Variants in CTNNA2 observed in about 807,000 individuals in gnomAD.
CTNNA2 encodes the protein catenin alpha-2.
In CTNNA2, 42 loss-of-function variants were observed where a neutral mutation model predicts 101.0. That is an observed-to-expected ratio of 0.42 (90% CI 0.32 to 0.54). The LOEUF is 0.54. Among genes scored for constraint, CTNNA2 ranks in the 20% least tolerant of loss-of-function variants. The pLI is 0.14. For synonymous variants in CTNNA2, 450 were observed against 456.4 expected (o/e 0.99, Z 0.18); for missense variants, 871 against 1,223.1 (o/e 0.71, Z 4.29).
intron 1 of CTNNA2, among the ~76,000 whole-genome samples, chr2:79,582,787 T>C (rs1047397278): frequency 6.6e-6 from 1 of 152,176 alleles, no homozygotes; most frequent in Non-Finnish European, 1.5e-5. Context: ...AATGTATTTC[T>C]TCTAGGTGCA....
chr2:79,467,807 C>T (rs1670955863), intron 4 of CTNNA2, among the ~76,000 whole-genome samples: 1 of 152,158 alleles, frequency 6.6e-6, no homozygotes, highest in Admixed American at 6.6e-5. Flanking sequence ...AACTAAAATC[C>T]TTTACAGACA....
chr2:79,972,336 G>A (rs962246027), intron 7 of CTNNA2, among the ~76,000 whole-genome samples: 1 of 152,160 alleles, frequency 6.6e-6, no homozygotes, highest in Non-Finnish European at 1.5e-5. Context: ...AATTCAAACA[G>A]AAACCAAAAC....
intron 9 of CTNNA2, among the ~76,000 whole-genome samples, chr2:80,525,530 AAAC>A (rs1358963357): frequency 2.0e-5 from 3 of 152,140 alleles, no homozygotes; most frequent in South Asian, 2.1e-4. Context: ...GCAAAAAAAC[AAAC>A]AACAACAAAA....
rs978600331 is a variant in CTNNA2, at chr2:80,542,877, T to C, written c.1291-2105T>C. ...GAAGATTCTCCACTATCCTGATTTT[T>C]TCCCCCCCCCACATGCCACTTTGGA... On this transcript the variant is annotated intron_variant, in intron 9 of 18. Transcript: ENST00000402739. 4.7e-3 allele frequency among the ~76,000 whole-genome samples: 519 copies of C among 109,404 alleles called. 4 individuals are homozygous for C. The highest frequency in any genetic ancestry group is 0.018 in the African/African-American group (464 of 26,424). The allele number at this position is 109,404 out of a possible 152,430, so 71.8% of individuals were successfully genotyped here.
chr2:80,410,580 AT>A (rs1486260376), intron 8 of CTNNA2, among the ~76,000 whole-genome samples: 32 of 152,306 alleles, frequency 2.1e-4, no homozygotes, highest in African/African-American at 7.7e-4. Flanking sequence ...TGATAGCTAA[AT>A]TTTGGTCTTC....
intron 5 of CTNNA2, among the ~76,000 whole-genome samples, chr2:79,873,823 G>A (rs1019726915): frequency 6.6e-6 from 1 of 151,996 alleles, no homozygotes; most frequent in Non-Finnish European, 1.5e-5. Context: ...GATCACTTGG[G>A]CCCAGGAGAT....
At chr2:80,335,203 G>A (rs937485779) in intron 7 of CTNNA2, among the ~76,000 whole-genome samples, 1 of 152,186 alleles carries the variant, frequency 6.6e-6, no homozygotes, top group African/African-American at 2.4e-5. Flanking sequence ...AGTGCCACCT[G>A]GAAAGGATGT....
At chr2:80,153,309 T>C (rs1447106635) in intron 7 of CTNNA2, among the ~76,000 whole-genome samples, 1 of 152,198 alleles carries the variant, frequency 6.6e-6, no homozygotes, top group Non-Finnish European at 1.5e-5. Flanking sequence ...TCTCAGTATT[T>C]GTCATCCTGC....
At chr2:80,063,979 GAAAAT>G (rs1216316933) in intron 7 of CTNNA2, among the ~76,000 whole-genome samples, 2 of 151,846 alleles carry the variant, frequency 1.3e-5, no homozygotes, top group Non-Finnish European at 2.9e-5. Flanking sequence ...TATATAAACT[GAAAAT>G]AAAATAAAGA....
intron 6 of CTNNA2, among the ~76,000 whole-genome samples, chr2:79,903,956 G>A (rs1474790891): frequency 1.3e-5 from 2 of 152,222 alleles, no homozygotes; most frequent in African/African-American, 2.4e-5. Flanking sequence ...GTTTAACTCA[G>A]AGGAGAGTGG....
chr2:79,955,962 G>A (rs1252321389), intron 7 of CTNNA2, among the ~76,000 whole-genome samples: 2 of 152,228 alleles, frequency 1.3e-5, no homozygotes, highest in Non-Finnish European at 2.9e-5. Flanking sequence ...CTGATAAGAA[G>A]TAAAAGAGGC....
At chr2:80,020,536 C>G (rs1694482965) in intron 7 of CTNNA2, among the ~76,000 whole-genome samples, 1 of 152,078 alleles carries the variant, frequency 6.6e-6, no homozygotes, top group African/African-American at 2.4e-5. Context: ...ATCAAGCTCA[C>G]AGGAGATTTA....
intron 7 of CTNNA2, among the ~76,000 whole-genome samples, chr2:80,109,438 G>T (rs576148286): frequency 1.3e-5 from 2 of 152,098 alleles, no homozygotes; most frequent in African/African-American, 2.4e-5. Context: ...TCCAGCCTGG[G>T]TGACAGAGTG....
At chr2:79,812,331 A>G (rs1469342635) in intron 3 of CTNNA2, among the ~76,000 whole-genome samples, 2 of 152,180 alleles carry the variant, frequency 1.3e-5, no homozygotes, top group African/African-American at 4.8e-5. Flanking sequence ...GAGAGACAGC[A>G]TTCAGTCTTT....
chr2:79,815,373 A>C (rs759046254), intron 3 of CTNNA2, among the ~76,000 whole-genome samples: 2 of 152,154 alleles, frequency 1.3e-5, no homozygotes, highest in African/African-American at 4.8e-5. Context: ...GGTTTTTTCA[A>C]TGTTATCATT....
chr2:80,367,663 T>A (rs1675061089), intron 7 of CTNNA2, among the ~76,000 whole-genome samples: 1 of 152,134 alleles, frequency 6.6e-6, no homozygotes, highest in Non-Finnish European at 1.5e-5. Flanking sequence ...TTAACTTTTT[T>A]TTATAACTTT....
intron 7 of CTNNA2, among the ~76,000 whole-genome samples, chr2:80,354,216 G>T (rs1008156417): frequency 5.3e-5 from 8 of 152,036 alleles, no homozygotes; most frequent in African/African-American, 1.9e-4. Flanking sequence ...AAATAAGACA[G>T]AAATTAAAAT....
intron 1 of CTNNA2, among the ~76,000 whole-genome samples, chr2:79,591,206 T>A (rs1017393674): frequency 1.3e-4 from 20 of 152,320 alleles, no homozygotes; most frequent in African/African-American, 4.6e-4. Flanking sequence ...AATTTTAATT[T>A]TAATGACTTC....
intron 3 of CTNNA2, among the ~76,000 whole-genome samples, chr2:79,759,491 T>C (rs2105076057): frequency 6.6e-6 from 1 of 152,322 alleles, no homozygotes; most frequent in South Asian, 2.1e-4. Flanking sequence ...CCAAGCTTGC[T>C]CTGCTTTGAG....
Sources: allele counts gnomAD v4.1 joint callset (sites outside exome capture counted in the v4.1 genomes callset), GRCh38; gene constraint gnomAD v4.1.1; transcripts MANE v1.5; gene names NCBI Gene and HGNC (gene_info 2026-07-23, HGNC 2026-07-21).